Variants in JAKMIP3 observed in about 807,000 individuals in gnomAD.
The protein encoded by JAKMIP3 is janus kinase and microtubule-interacting protein 3.
Under a neutral mutation model 118.5 loss-of-function variants are expected in JAKMIP3, and 58 were observed. The observed-to-expected ratio is 0.49, with a 90% CI of 0.40 to 0.61. The LOEUF is 0.61. Among genes scored for constraint, JAKMIP3 ranks in the 20% least tolerant of loss-of-function variants. The probability of loss-of-function intolerance (pLI) is 0.00; values close to 1 mark genes in which losing one functional copy is unlikely to be tolerated. For synonymous variants in JAKMIP3, 486 were observed against 451.2 expected (o/e 1.08, Z -0.98); for missense variants, 950 against 1,109.0 (o/e 0.86, Z 2.04).
chr10:132,165,511 C>T (rs1010357832), intron 21 of JAKMIP3, among the ~76,000 whole-genome samples: 5 of 152,136 alleles, frequency 3.3e-5, no homozygotes, highest in Non-Finnish European at 5.9e-5. Flanking sequence ...ACTGAAGGGA[C>T]GGGCTCCCTC....
At chr10:132,113,307 G>A (rs2047145061) in intron 2 of JAKMIP3, among the ~76,000 whole-genome samples, 1 of 152,226 alleles carries the variant, frequency 6.6e-6, no homozygotes, top group African/African-American at 2.4e-5. Context: ...GAGAAGTGAT[G>A]CCCTCAGAAG....
intron 1 of JAKMIP3, among the ~76,000 whole-genome samples, chr10:132,081,758 C>T (rs989736393): frequency 6.6e-6 from 1 of 151,930 alleles, no homozygotes; most frequent in African/African-American, 2.4e-5. Flanking sequence ...CTGGCCTTTC[C>T]GAGGAGTCTT....
rs1423457354 is a variant in JAKMIP3 at position 132,180,752 on chromosome 10, C to CGCGCGT, written c.*1104-1604_*1104-1603insCGCGTG. Reference sequence around the variant, plus strand: ...GTGCGTGTGTGCGTGCGTGCGCGCGCGTGTGTGCGTGTGTGTGCGTGTGTG... The same window carrying CGCGCGT: ...GTGCGTGTGTGCGTGCGTGCGCGCGCGCGCGTGTGTGTGCGTGTGTGTGCGTGTGTG... On this transcript the variant is annotated intron_variant, in intron 23 of 23. Transcript: ENST00000684848. 2.3e-3 allele frequency among the ~76,000 whole-genome samples: 32 copies of CGCGCGT among 13,682 alleles called. 3 individuals carry two copies. Among genetic ancestry groups the CGCGCGT allele is most frequent in the South Asian group, 0.015 (6 of 406 alleles). The allele number at this position is 13,682 out of a possible 152,430, so 9.0% of individuals were successfully genotyped here. A position where few individuals can be genotyped will look rare whatever the true frequency, so the allele number is the denominator to read the frequency against.
chr10:132,053,844 C>G (rs1466332571), intron 1 of JAKMIP3, among the ~76,000 whole-genome samples: 1 of 151,880 alleles, frequency 6.6e-6, no homozygotes, highest in African/African-American at 2.4e-5. Context: ...ACCATCCTGG[C>G]TAACATGATG....
rs1260029089 is a variant in JAKMIP3 at position 132,109,085 on chromosome 10, T to TAC, written c.135+4150_135+4151dup. On this transcript the variant is annotated intron_variant, in intron 2 of 23. Transcript: ENST00000684848. ...ACATATACACACATACACATATATA[T>TAC]ACACACACATATATATATACACACA... Among the ~76,000 whole-genome samples, 8 of 128,854 alleles carry TAC rather than the reference T, an allele frequency of 6.2e-5. 1 individual carries two copies. Among genetic ancestry groups the TAC allele is most frequent in the East Asian group, 2.7e-4 (1 of 3,676 alleles). The allele number at this position is 128,854 out of a possible 152,430, so 84.5% of individuals were successfully genotyped here.
chr10:132,077,900 C>T (rs1263941422), intron 1 of JAKMIP3, among the ~76,000 whole-genome samples: 1 of 152,224 alleles, frequency 6.6e-6, no homozygotes, highest in East Asian at 1.9e-4. Flanking sequence ...CAACCTCCAC[C>T]TCCCAGGTTC....
At chr10:132,139,227 AGTGTATATGCATCTGTGTGTGTATGT>A (rs2052675169) in intron 9 of JAKMIP3, among the ~76,000 whole-genome samples, 2 of 111,298 alleles carry the variant, frequency 1.8e-5, no homozygotes, top group African/African-American at 3.4e-5. Flanking sequence ...TGTACATGTG[AGTGTATATGCATCTGTGTGTGTATGT>A]GTGTGTGTGT....
chr10:132,122,969 C>T (rs1373290285), intron 3 of JAKMIP3, among the ~76,000 whole-genome samples: 1 of 152,204 alleles, frequency 6.6e-6, no homozygotes, highest in Admixed American at 6.5e-5. Context: ...CCAGTGATTC[C>T]ACTGTGCAGA....
intron 3 of JAKMIP3, among the ~76,000 whole-genome samples, chr10:132,129,337 C>T (rs2050161719): frequency 6.6e-6 from 1 of 152,212 alleles, no homozygotes; most frequent in Non-Finnish European, 1.5e-5. Flanking sequence ...CAGCCACTTA[C>T]ATTTCTACTT....
chr10:132,134,099 C>T (rs529031806), intron 4 of JAKMIP3, among the ~76,000 whole-genome samples: 66 of 152,312 alleles, frequency 4.3e-4, no homozygotes, highest in African/African-American at 1.5e-3. Context: ...GGCTGAGCTC[C>T]ACCCGCTTCC....
chr10:132,101,112 C>T (rs958847197), intron 1 of JAKMIP3, among the ~76,000 whole-genome samples: 1 of 152,214 alleles, frequency 6.6e-6, no homozygotes, highest in Non-Finnish European at 1.5e-5. Flanking sequence ...GGACTTGAAT[C>T]TGTTCGGAGG....
intron 23 of JAKMIP3, among the ~76,000 whole-genome samples, chr10:132,176,293 G>C (rs556602063): frequency 4.6e-4 from 70 of 152,342 alleles, no homozygotes; most frequent in Non-Finnish European, 7.6e-4. Context: ...CGTTGCATTT[G>C]CATGGCAGAA....
chr10:132,151,039 C>G (rs1292475831), intron 16 of JAKMIP3, among the ~76,000 whole-genome samples: 1 of 151,990 alleles, frequency 6.6e-6, no homozygotes, highest in African/African-American at 2.4e-5. Flanking sequence ...CCTTCTCCAT[C>G]TACCATCCTC....
chr10:132,145,276 C>G (rs1054592585), intron 12 of JAKMIP3, 86 bp downstream of exon 12: 7 of 1,159,168 alleles, frequency 6.0e-6, no homozygotes, highest in Non-Finnish European at 8.7e-6. Context: ...TTCAGTGGTG[C>G]GATCATAACT....
chr10:132,063,031 A>G (rs1053316056), upstream of JAKMIP3, among the ~76,000 whole-genome samples: 1 of 152,180 alleles, frequency 6.6e-6, no homozygotes, highest in African/African-American at 2.4e-5. Context: ...GAGGAATTGT[A>G]TGGAGACACC....
intron 23 of JAKMIP3, among the ~76,000 whole-genome samples, chr10:132,176,018 C>T (rs2060107014): frequency 6.6e-6 from 1 of 152,244 alleles, no homozygotes; most frequent in Admixed American, 6.5e-5. Context: ...AGCGCCCCTC[C>T]CTGAGTACTG....
At chr10:132,060,836 A>G (rs2038371585), upstream of JAKMIP3, among the ~76,000 whole-genome samples, 1 of 152,162 alleles carries the variant, frequency 6.6e-6, no homozygotes, top group South Asian at 2.1e-4. Flanking sequence ...CTCGGCCAAC[A>G]TGGTGAAACT....
At chr10:132,093,877 T>G (rs1483317235) in intron 1 of JAKMIP3, among the ~76,000 whole-genome samples, 1 of 152,078 alleles carries the variant, frequency 6.6e-6, no homozygotes, top group East Asian at 1.9e-4. Context: ...AGCATCTTCT[T>G]GATTGTTTTT....
rs562541836 is a variant in JAKMIP3, at chr10:132,173,487, C to A, written c.*1103+4454C>A. Among the ~76,000 whole-genome samples the A allele has an allele frequency of 5.8e-4, 88 of 152,054 alleles. 1 individual carries two copies. The highest frequency in any genetic ancestry group is 2.0e-3 in the African/African-American group (81 of 41,492). On this transcript the variant is annotated intron_variant, in intron 23 of 23. Transcript: ENST00000684848. Reference sequence around the variant, plus strand: ...AGCTGGAGCACAATTCCTTTCCCCCCAGCCTCACGGTGTCCACACACAACA... The same window carrying A: ...AGCTGGAGCACAATTCCTTTCCCCCAAGCCTCACGGTGTCCACACACAACA...
Sources: allele counts gnomAD v4.1 joint callset (sites outside exome capture counted in the v4.1 genomes callset), GRCh38; gene constraint gnomAD v4.1.1; transcripts MANE v1.5; gene names NCBI Gene and HGNC (gene_info 2026-07-23, HGNC 2026-07-21).